The following ACSF2 variants were observed in gnomAD, a reference collection of about 807,000 sequenced individuals.
ACSF2 encodes the protein acyl-CoA synthetase family member 2.
In ACSF2, 52 loss-of-function variants were observed where a neutral mutation model predicts 79.3. The ratio of observed to expected loss-of-function variants is 0.66; its 90% CI spans 0.53 to 0.83. The LOEUF is 0.83. Ranked by LOEUF, ACSF2 falls within the 40% of genes least tolerant of loss-of-function variation. ACSF2 has a pLI of 0.00. For missense variants in ACSF2, 661 were observed against 803.3 expected (o/e 0.82, Z 2.14); for synonymous variants, 283 against 312.6 (o/e 0.91, Z 1.00).
At position 50,431,063 on chromosome 17, in the gene ACSF2, A is replaced by C. The variant is rs143754549; in HGVS notation, c.128+4674A>C. 2.8e-4 allele frequency among the ~76,000 whole-genome samples: 42 copies of C among 152,190 alleles called. No individual in the cohort carries two copies. The East Asian group carries it at 8.1e-3, about 29-fold the overall frequency. On this transcript the variant is annotated intron_variant, in intron 1 of 15. Coordinates refer to ENST00000300441, the MANE Select transcript of ACSF2 (RefSeq NM_025149.6). The stretch of plus-strand genomic sequence containing the variant: ...AACCATAAATAGTTACAAGAAATAG[A>C]CTCTTCCCATAATTTCCAAAACATG...
intron 10 of ACSF2, chr17:50,465,259 G>A: frequency 1.2e-6 from 2 of 1,612,890 alleles, no homozygotes; most frequent in Non-Finnish European, 1.7e-6. Flanking sequence ...AATCACCAAA[G>A]AGGGACATAG....
intron 1 of ACSF2, among the ~76,000 whole-genome samples, chr17:50,443,173 G>T (rs1215644777): frequency 6.6e-6 from 1 of 152,162 alleles, no homozygotes; most frequent in African/African-American, 2.4e-5. Flanking sequence ...CTCCCAAAGT[G>T]CTGGGATTAC....
intron 10 of ACSF2, chr17:50,465,782 G>A: frequency 6.2e-7 from 1 of 1,613,856 alleles, no homozygotes; most frequent in East Asian, 2.2e-5. Context: ...GCTGTCGAAG[G>A]GGAAGTTGGA....
At chr17:50,444,511 C>T (rs1163129385) in intron 1 of ACSF2, among the ~76,000 whole-genome samples, 1 of 151,896 alleles carries the variant, frequency 6.6e-6, no homozygotes, top group Non-Finnish European at 1.5e-5. Flanking sequence ...GCTGAGATCG[C>T]ACCACTGCAC....
chr17:50,433,491 C>G (rs2030130058), intron 1 of ACSF2, among the ~76,000 whole-genome samples: 1 of 152,166 alleles, frequency 6.6e-6, no homozygotes, highest in Admixed American at 6.5e-5. Flanking sequence ...AAACTAATAT[C>G]TAGCCTTGTA....
rs1427267446 is a variant in ACSF2 at position 50,472,443 on chromosome 17, A to G, written c.1339A>G (p.Met447Val). The change falls in exon 12 of 16, where the codon ATG becomes GTG. Residue 447 changes from methionine (M) to valine (V), a missense_variant. Met to Val is a conservative substitution (Grantham distance 21). Coordinates refer to ENST00000300441, the MANE Select transcript of ACSF2 (RefSeq NM_025149.6). The part of the protein sequence containing the change: ...MPHTEARIMN[M>V]EAGTLAKLNT... ...CCTGTCCCAGGCCCGGATCATGAAC[A>G]TGGAGGCAGGGACGCTGGCAAAGCT... 2 of 1,612,280 alleles carry G rather than the reference A, an allele frequency of 1.2e-6. No homozygotes were observed. The highest frequency in any genetic ancestry group is 1.7e-6 in the Non-Finnish European group (2 of 1,179,190).
At chr17:50,432,684 C>T (rs1220513305) in intron 1 of ACSF2, among the ~76,000 whole-genome samples, 3 of 152,176 alleles carry the variant, frequency 2.0e-5, no homozygotes, top group African/African-American at 4.8e-5. Flanking sequence ...GCTTACAAAT[C>T]GTGCTTTATA....
intron 1 of ACSF2, among the ~76,000 whole-genome samples, chr17:50,444,858 C>T (rs1417863063): frequency 6.6e-6 from 1 of 152,056 alleles, no homozygotes; most frequent in Non-Finnish European, 1.5e-5. Flanking sequence ...TCATTATTGT[C>T]TTCTGTGTGT....
intron 10 of ACSF2, chr17:50,468,095 T>C: frequency 6.2e-7 from 1 of 1,613,402 alleles, no homozygotes; most frequent in Non-Finnish European, 8.5e-7. Flanking sequence ...GCCAAAGGAC[T>C]GGAAGGCATT....
intron 1 of ACSF2, among the ~76,000 whole-genome samples, chr17:50,427,180 A>G (rs1037229528): frequency 2.6e-5 from 4 of 152,240 alleles, no homozygotes; most frequent in African/African-American, 7.2e-5. Flanking sequence ...GTCTATGGTC[A>G]GGACAGCACT....
At chr17:50,445,236 CT>C (rs924285553) in intron 1 of ACSF2, among the ~76,000 whole-genome samples, 3 of 152,140 alleles carry the variant, frequency 2.0e-5, no homozygotes, top group East Asian at 1.9e-4. Context: ...GTCAATCAAC[CT>C]TTTTAGCAGC....
In ACSF2 at chr17:50,426,398, C is replaced by A; in HGVS notation, c.128+9C>A. On this transcript the variant is annotated intron_variant, in intron 1 of 15. Coordinates refer to ENST00000300441, the MANE Select transcript of ACSF2 (RefSeq NM_025149.6). ...GGTGTCCGCTTCCTCAGGTACTGGC[C>A]CCCCGCGGGAAGAGAGGGGGCGGGG... 7.6e-7 allele frequency: 1 copy of A among 1,323,802 alleles called. No individual in the cohort carries two copies. The highest frequency in any genetic ancestry group is 9.7e-7 in the Non-Finnish European group (1 of 1,029,942). 82.0% of individuals were successfully genotyped at this position (1,323,802 alleles called of 1,614,324 possible).
chr17:50,436,275 G>T lies in ACSF2; in HGVS notation c.128+9886G>T, dbSNP rs190102235. 1.9e-3 allele frequency among the ~76,000 whole-genome samples: 287 copies of T among 148,442 alleles called. 2 individuals carry two copies. The highest frequency in any genetic ancestry group is 6.9e-3 in the African/African-American group (277 of 40,142). ...CTCCCGAGTAGCTGGGACTACAGGC[G>T]CCTGCCACCACGCCTGGCTAATTTT... is the stretch of plus-strand genomic sequence containing the variant. On this transcript the variant is annotated intron_variant, in intron 1 of 15. Transcript: ENST00000300441.
intron 1 of ACSF2, among the ~76,000 whole-genome samples, chr17:50,456,886 T>C (rs1203350271): frequency 1.3e-5 from 2 of 151,850 alleles, no homozygotes; most frequent in Non-Finnish European, 2.9e-5. Flanking sequence ...ATAGTAAGAC[T>C]CCATCTCTAC....
At chr17:50,468,964 G>T (rs2032950623) in intron 10 of ACSF2, 2 of 1,395,232 alleles carry the variant, frequency 1.4e-6, no homozygotes, top group Non-Finnish European at 1.8e-6. Context: ...GAGCATCGAG[G>T]CCACTGGGCT....
chr17:50,444,896 A>C (rs1270661536), intron 1 of ACSF2, among the ~76,000 whole-genome samples: 1 of 152,040 alleles, frequency 6.6e-6, no homozygotes, highest in East Asian at 1.9e-4. Context: ...TTTTGGTGGA[A>C]AAATGTTTGC....
intron 1 of ACSF2, among the ~76,000 whole-genome samples, chr17:50,451,696 C>T (rs577062181): frequency 3.0e-4 from 46 of 152,212 alleles, no homozygotes; most frequent in Non-Finnish European, 5.6e-4. Flanking sequence ...GTGATCTGTT[C>T]GCCTTGGCCT....
Position 50,426,321 on chromosome 17 carries a change from G to A in ACSF2, c.60G>A (p.Val20=), listed in dbSNP as rs1261773196. ...LGRLCAGSSG[V]LGARAALSRS... is the part of the protein sequence containing the mutation. ...GGCTGTGCGCCGGGAGCTCGGGGGT[G>A]CTGGGGGCCCGGGCCGCCCTCTCTC... Residue 20 remains valine, a synonymous_variant, in exon 1 of 16, where the codon GTG becomes GTA. Coordinates refer to ENST00000300441, the MANE Select transcript of ACSF2 (RefSeq NM_025149.6). The A allele has an allele frequency of 1.4e-6, 2 of 1,421,250 alleles. No individual in the cohort carries two copies. The highest frequency in any genetic ancestry group is 1.8e-6 in the Non-Finnish European group (2 of 1,081,216). 88.0% of individuals were successfully genotyped at this position (1,421,250 alleles called of 1,614,324 possible). A position where few individuals can be genotyped will look rare whatever the true frequency, so the allele number is the denominator to read the frequency against.
chr17:50,444,895 A>G (rs570455092), intron 1 of ACSF2, among the ~76,000 whole-genome samples: 4 of 152,080 alleles, frequency 2.6e-5, no homozygotes, highest in East Asian at 1.9e-4. Flanking sequence ...GTTTTGGTGG[A>G]AAAATGTTTG....
Sources: gnomAD v4.1 joint callset for allele counts (sites outside exome capture counted in the v4.1 genomes callset) on GRCh38, gnomAD v4.1.1 for gene constraint, MANE v1.5 for transcripts, NCBI Gene and HGNC (gene_info 2026-07-23, HGNC 2026-07-21) for gene names.